Variants in AGAP1 observed in about 807,000 individuals in gnomAD.
AGAP1 encodes arf-GAP with GTPase, ANK repeat and PH domain-containing protein 1.
In AGAP1, 29 loss-of-function variants were observed where a neutral mutation model predicts 105.3. The ratio of observed to expected loss-of-function variants is 0.28; its 90% CI spans 0.21 to 0.38. The LOEUF (loss-of-function observed/expected upper bound fraction) is 0.38, where lower values mean the gene tolerates loss of function less well. Ranked by LOEUF, AGAP1 falls within the 10% of genes least tolerant of loss-of-function variation. The probability of loss-of-function intolerance (pLI) is 1.00; values close to 1 mark genes in which losing one functional copy is unlikely to be tolerated. For missense variants in AGAP1, 998 were observed against 1,165.1 expected, an observed-to-expected ratio of 0.86 and a Z score of 2.09; for synonymous variants, 509 against 485.9, an observed-to-expected ratio of 1.05 and a Z score of -0.63.
At chr2:235,920,691 A>T (rs907129826) in intron 11 of AGAP1, among the ~76,000 whole-genome samples, 1 of 152,264 alleles carries the variant, frequency 6.6e-6, no homozygotes, top group African/African-American at 2.4e-5. Context: ...TGGCATGCAC[A>T]GTTCATACAT....
Position 235,799,463 on chromosome 2 carries a change from A to G in AGAP1, c.898A>G (p.Thr300Ala). The change falls in exon 8 of 18, where the codon ACT (threonine) becomes GCT (alanine). Residue 300 changes from threonine to alanine, a missense_variant. Physicochemically the swap from Thr to Ala is moderately conservative, Grantham distance 58 (BLOSUM62 0). Coordinates refer to ENST00000304032, the MANE Select transcript of AGAP1 (RefSeq NM_001037131.3). The surrounding 1 kb of genome is among the most constrained non-coding windows in gnomAD (Gnocchi z 5.0). ...QKELRIDVPP[T>A]ANTPTPVRKQ... The stretch of plus-strand genomic sequence containing the variant: ...GGAACTTCGGATCGATGTTCCTCCC[A>G]CTGCCAACACGCCCACGCCCGTTCG... The G allele has an allele frequency of 1.2e-6, 2 of 1,614,188 alleles. No individual in the cohort carries two copies. Among genetic ancestry groups the G allele is most frequent in the Non-Finnish European group, 1.7e-6 (2 of 1,180,030 alleles).
At chr2:235,530,707 G>GATTAC (rs59973944) in intron 1 of AGAP1, among the ~76,000 whole-genome samples, 3,758 of 152,248 alleles carry the variant, frequency 0.025, 156 homozygotes, top group African/African-American at 0.086. Flanking sequence ...GGACCCTTGT[G>GATTAC]ATTACGTTGG....
chr2:235,884,060 TA>T (rs1167393666), intron 10 of AGAP1, among the ~76,000 whole-genome samples: 1 of 152,184 alleles, frequency 6.6e-6, no homozygotes, highest in South Asian at 2.1e-4. Flanking sequence ...TGATAAAATA[TA>T]AAAAAATGCA....
In AGAP1 at chr2:236,036,486, T is replaced by C. The variant is rs991444815; in HGVS notation, c.1646-75T>C. The C allele has an allele frequency of 1.1e-5, 18 of 1,567,132 alleles. No homozygotes were observed. The Admixed American group carries it at 3.2e-4, about 28-fold the overall frequency. On this transcript the variant is annotated intron_variant, in intron 13 of 17. Coordinates refer to ENST00000304032, the MANE Select transcript of AGAP1 (RefSeq NM_001037131.3). This position sits in a 1 kb window ranked among gnomAD's most constrained non-coding sequence, Gnocchi z 5.7. ...AGGGGCAGCTGAACCCAGAGGCGCTTCTGTGACAGAGGGCCCGCAGGGGGA... is the reference window on the plus strand; with the variant it reads ...AGGGGCAGCTGAACCCAGAGGCGCTCCTGTGACAGAGGGCCCGCAGGGGGA...
chr2:235,752,078 C>A lies in AGAP1; in HGVS notation c.673+1590C>A, dbSNP rs1439390083. Among the ~76,000 whole-genome samples, 1 of 152,202 alleles carries A rather than the reference C, an allele frequency of 6.6e-6. No individual in the cohort carries two copies. Among genetic ancestry groups the A allele is most frequent in the Non-Finnish European group, 1.5e-5 (1 of 68,036 alleles). On this transcript the variant is annotated intron_variant, in intron 6 of 17. Transcript: ENST00000304032. This position sits in a 1 kb window ranked among gnomAD's most constrained non-coding sequence, Gnocchi z 4.3. Reference sequence around the variant, plus strand: ...CTAATGGAGCAAGGTCACTGTCGGCCGCTGCGCTGCCGAGGCCCCTGTGAA... The same window carrying A: ...CTAATGGAGCAAGGTCACTGTCGGCAGCTGCGCTGCCGAGGCCCCTGTGAA...
chr2:235,671,746 G>GC (rs1457719807), intron 1 of AGAP1, among the ~76,000 whole-genome samples: 1 of 152,230 alleles, frequency 6.6e-6, no homozygotes, highest in African/African-American at 2.4e-5. Flanking sequence ...GAAAACCGCA[G>GC]CCCTGCAGCC....
intron 1 of AGAP1, among the ~76,000 whole-genome samples, chr2:235,699,517 C>G (rs1450976207): frequency 6.6e-6 from 1 of 152,156 alleles, no homozygotes; most frequent in Non-Finnish European, 1.5e-5. Flanking sequence ...TGGATACTCC[C>G]TCCCTCTTTG....
At position 235,736,768 on chromosome 2, in the gene AGAP1, G is replaced by A. The variant is rs1042946904; in HGVS notation, c.311-4195G>A. ...AGGTGGGAGGATCTTTTGAGCCTAG[G>A]CAGTCGAGGCTGCAGTGAGTCATGT... On this transcript the variant is annotated intron_variant, in intron 3 of 17. Coordinates refer to ENST00000304032, the MANE Select transcript of AGAP1 (RefSeq NM_001037131.3). The surrounding 1 kb of genome is among the most constrained non-coding windows in gnomAD (Gnocchi z 5.5). Among the ~76,000 whole-genome samples, 6 of 152,128 alleles carry A rather than the reference G, an allele frequency of 3.9e-5. No homozygotes were observed. The highest frequency in any genetic ancestry group is 1.2e-4 in the African/African-American group (5 of 41,416).
At chr2:235,602,978 A>G (rs1291365229) in intron 1 of AGAP1, among the ~76,000 whole-genome samples, 1 of 152,164 alleles carries the variant, frequency 6.6e-6, no homozygotes, top group Non-Finnish European at 1.5e-5. Context: ...CTGGGATTGC[A>G]GGCGTGAGCC....
intron 1 of AGAP1, among the ~76,000 whole-genome samples, chr2:235,643,168 C>T (rs908764907): frequency 6.6e-6 from 1 of 151,960 alleles, no homozygotes; most frequent in Non-Finnish European, 1.5e-5. Context: ...TGCAGTGGCT[C>T]GCACGTGTAA....
At chr2:235,568,550 A>G (rs886542358) in intron 1 of AGAP1, among the ~76,000 whole-genome samples, 1 of 152,162 alleles carries the variant, frequency 6.6e-6, no homozygotes, top group Admixed American at 6.5e-5. Context: ...CCCAGACGGC[A>G]GGAAGGAGAA....
intron 12 of AGAP1, among the ~76,000 whole-genome samples, chr2:235,954,239 C>CAAAA (rs34138034): frequency 7.8e-6 from 1 of 128,156 alleles, no homozygotes; most frequent in Non-Finnish European, 1.7e-5. Flanking sequence ...ACTCTGCCTC[C>CAAAA]AAAAAAAAAA....
At chr2:235,890,031 A>G (rs1240567473) in intron 10 of AGAP1, among the ~76,000 whole-genome samples, 1 of 152,072 alleles carries the variant, frequency 6.6e-6, no homozygotes, top group African/African-American at 2.4e-5. Flanking sequence ...GCTCTTCCCC[A>G]AAGGCTTAGG....
rs934126430 is a variant in AGAP1 at position 235,733,626 on chromosome 2, G to A, written c.311-7337G>A. Among the ~76,000 whole-genome samples the A allele has an allele frequency of 2.0e-5, 3 of 152,144 alleles. No homozygotes were observed. Among genetic ancestry groups the A allele is most frequent in the African/African-American group, 7.2e-5 (3 of 41,506 alleles). On this transcript the variant is annotated intron_variant, in intron 3 of 17. Transcript: ENST00000304032. This position sits in a 1 kb window ranked among gnomAD's most constrained non-coding sequence, Gnocchi z 5.0. The stretch of plus-strand genomic sequence containing the variant: ...TGGAGTTTGGCTTTTTTCTTGTTCT[G>A]TGTTCCTTTTGTACCTTACTTAGAT...
At chr2:235,878,666 G>A (rs2049864894) in intron 9 of AGAP1, among the ~76,000 whole-genome samples, 1 of 152,184 alleles carries the variant, frequency 6.6e-6, no homozygotes, top group Non-Finnish European at 1.5e-5. Flanking sequence ...TCTCAGTTAA[G>A]GGAAATATTT....
chr2:235,940,606 G>A (rs1000749686), intron 12 of AGAP1, among the ~76,000 whole-genome samples: 2 of 152,156 alleles, frequency 1.3e-5, no homozygotes, highest in South Asian at 2.1e-4. Context: ...CATTCTTTGC[G>A]GTTACCCAGA....
chr2:235,554,358 A>G (rs1943907486), intron 1 of AGAP1, among the ~76,000 whole-genome samples: 2 of 152,214 alleles, frequency 1.3e-5, no homozygotes, highest in Non-Finnish European at 2.9e-5. Context: ...GGTCCCTCCC[A>G]GGGCCCAGGG....
chr2:235,529,531 T>A (rs55719585), intron 1 of AGAP1, among the ~76,000 whole-genome samples: 6,070 of 152,150 alleles, frequency 0.04, 161 homozygotes, highest in Middle Eastern at 0.14. Context: ...GGGACAGCTG[T>A]GCAGTCAGCA....
At chr2:235,497,750 T>G (rs1384138770) in intron 1 of AGAP1, among the ~76,000 whole-genome samples, 1 of 152,146 alleles carries the variant, frequency 6.6e-6, no homozygotes, top group Non-Finnish European at 1.5e-5. Flanking sequence ...GCCCACCACC[T>G]CGCCTGGCTA....
Sources: gnomAD v4.1 joint callset for allele counts (sites outside exome capture counted in the v4.1 genomes callset) on GRCh38, gnomAD v4.1.1 for gene constraint, Gnocchi (gnomAD v3.1) non-coding constraint, MANE v1.5 for transcripts, NCBI Gene and HGNC (gene_info 2026-07-23, HGNC 2026-07-21) for gene names.